Variants in VPS8 observed in about 807,000 individuals in gnomAD.
VPS8 encodes the protein VPS8 subunit of CORVET complex.
A neutral mutation model predicts 216.4 loss-of-function variants in VPS8; 129 were observed. The observed-to-expected ratio is 0.60, with a 90% CI of 0.52 to 0.69. The LOEUF (loss-of-function observed/expected upper bound fraction) is 0.69. VPS8 is among the 30% of genes least tolerant of loss of function. The pLI, the probability that VPS8 is intolerant of heterozygous loss-of-function variation, is 0.00. For missense variants in VPS8, 1,531 were observed against 1,683.5 expected (o/e 0.91, Z 1.59); for synonymous variants, 571 against 565.4 (o/e 1.01, Z -0.14).
chr3:184,855,159 T>G (rs202020973), intron 13 of VPS8, among the ~76,000 whole-genome samples: 4 of 151,932 alleles, frequency 2.6e-5, no homozygotes, highest in East Asian at 3.9e-4. Context: ...GTTTTTATTG[T>G]TTTTTTTCAA....
At chr3:184,817,638 A>G (rs530427471) in intron 1 of VPS8, among the ~76,000 whole-genome samples, 1 of 152,380 alleles carries the variant, frequency 6.6e-6, no homozygotes, top group Admixed American at 6.5e-5. Context: ...CTTATGGTAT[A>G]GATTCCTATA....
At chr3:184,950,000 C>G (rs1033086543) in intron 36 of VPS8, among the ~76,000 whole-genome samples, 1 of 151,908 alleles carries the variant, frequency 6.6e-6, no homozygotes, top group South Asian at 2.1e-4. Context: ...ACCCCCACCT[C>G]TTGGGTTCAA....
At chr3:184,962,625 T>A (rs1746712873) in intron 37 of VPS8, among the ~76,000 whole-genome samples, 1 of 152,082 alleles carries the variant, frequency 6.6e-6, no homozygotes, top group African/African-American at 2.4e-5. Flanking sequence ...CCTTTGCTAA[T>A]TTTATGTGTT....
chr3:184,961,620 A>AT lies in VPS8; in HGVS notation c.3184-2842dup, dbSNP rs568744268. ...TTTATCCTTCTGATCTATGTTTTGAATTTTTTCTATATGTGTATGTATCTA... is the reference window on the plus strand; with the variant it reads ...TTTATCCTTCTGATCTATGTTTTGAATTTTTTTCTATATGTGTATGTATCTA... On this transcript the variant is annotated intron_variant, in intron 37 of 47. Transcript: ENST00000625842. 1.7e-3 allele frequency among the ~76,000 whole-genome samples: 252 copies of AT among 150,098 alleles called. 6 individuals are homozygous for AT. In the South Asian group the frequency reaches 0.017, roughly 10 times the overall value.
intron 45 of VPS8, among the ~76,000 whole-genome samples, chr3:185,019,323 C>T (rs188084899): frequency 6.6e-6 from 1 of 151,950 alleles, no homozygotes. Context: ...GAGACCCTAA[C>T]CCAGCGGCAC....
At chr3:184,829,275 G>A (rs906836316) in intron 3 of VPS8, among the ~76,000 whole-genome samples, 4 of 152,006 alleles carry the variant, frequency 2.6e-5, no homozygotes, top group Admixed American at 1.3e-4. Flanking sequence ...GTGCAGTGGC[G>A]CGATCAGGGC....
intron 42 of VPS8, among the ~76,000 whole-genome samples, chr3:184,988,214 A>G (rs1751399726): frequency 6.6e-6 from 1 of 152,104 alleles, no homozygotes. Context: ...TATGCTTTTG[A>G]TGTTGTATGT....
chr3:184,994,700 A>G (rs958964267), intron 43 of VPS8, among the ~76,000 whole-genome samples: 11 of 152,256 alleles, frequency 7.2e-5, no homozygotes, highest in African/African-American at 2.4e-4. Context: ...CAACATGAAT[A>G]TAGAAAATTG....
Position 185,046,726 on chromosome 3 carries a change from G to A in VPS8, c.4057-1753G>A, listed in dbSNP as rs140279941. Among the ~76,000 whole-genome samples the A allele has an allele frequency of 1.1e-4, 17 of 152,318 alleles. 1 individual carries two copies. In the East Asian group the frequency reaches 2.9e-3, roughly 26 times the overall value. ...CTAATTTTCATAACAATTCTGCAAAGTAGAGTTTTACAGATAAAGAAACTG... is the reference window on the plus strand; with the variant it reads ...CTAATTTTCATAACAATTCTGCAAAATAGAGTTTTACAGATAAAGAAACTG... On this transcript the variant is annotated intron_variant, in intron 46 of 47. Coordinates refer to ENST00000625842, the MANE Select transcript of VPS8 (RefSeq NM_001009921.3).
At chr3:185,049,318 G>A (rs945593424) in intron 47 of VPS8, among the ~76,000 whole-genome samples, 19 of 152,120 alleles carry the variant, frequency 1.2e-4, no homozygotes, top group East Asian at 1.9e-4. Flanking sequence ...TGTACTCATC[G>A]CTTTCTCGAC....
intron 22 of VPS8, among the ~76,000 whole-genome samples, chr3:184,893,978 A>C (rs1732856456): frequency 6.6e-6 from 1 of 152,180 alleles, no homozygotes; most frequent in Admixed American, 6.5e-5. Flanking sequence ...GGTCAATATA[A>C]CTCAAATTAT....
intron 25 of VPS8, among the ~76,000 whole-genome samples, chr3:184,908,190 G>A (rs1055634518): frequency 1.3e-5 from 2 of 152,144 alleles, no homozygotes; most frequent in East Asian, 3.9e-4. Context: ...AAAAAAATAA[G>A]CCCTGAAAAT....
chr3:185,048,800 A>G (rs1462883345), intron 47 of VPS8, among the ~76,000 whole-genome samples: 1 of 152,126 alleles, frequency 6.6e-6, no homozygotes, highest in African/African-American at 2.4e-5. Context: ...AGGACACAGA[A>G]GGGCCTCTGT....
At chr3:184,904,396 T>A (rs1463879434) in intron 25 of VPS8, among the ~76,000 whole-genome samples, 1 of 152,226 alleles carries the variant, frequency 6.6e-6, no homozygotes, top group Non-Finnish European at 1.5e-5. Context: ...GTTTGAGTGT[T>A]TCTAACATGA....
chr3:185,043,914 G>A (rs886104895), intron 46 of VPS8, among the ~76,000 whole-genome samples: 1 of 152,126 alleles, frequency 6.6e-6, no homozygotes, highest in Non-Finnish European at 1.5e-5. Context: ...TTTCGGCTGG[G>A]CACAGTGGCT....
intron 45 of VPS8, among the ~76,000 whole-genome samples, chr3:185,008,648 A>G (rs1344063258): frequency 1.3e-5 from 2 of 152,204 alleles, no homozygotes; most frequent in East Asian, 1.9e-4. Context: ...GGTACCAGCC[A>G]TGTGAAAAAC....
chr3:184,851,328 A>G (rs1401866100), intron 10 of VPS8, among the ~76,000 whole-genome samples: 1 of 152,184 alleles, frequency 6.6e-6, no homozygotes, highest in East Asian at 1.9e-4. Flanking sequence ...CTGGAGTAAG[A>G]CACATAGGAT....
intron 45 of VPS8, among the ~76,000 whole-genome samples, chr3:185,010,936 C>T (rs1264933934): frequency 6.6e-6 from 1 of 152,008 alleles, no homozygotes; most frequent in East Asian, 1.9e-4. Flanking sequence ...AAGGTCAAGG[C>T]TGCAGTGAGC....
intron 46 of VPS8, among the ~76,000 whole-genome samples, chr3:185,028,119 C>T (rs988320857): frequency 4.6e-5 from 7 of 152,028 alleles, no homozygotes; most frequent in Admixed American, 6.6e-5. Flanking sequence ...TTGCGGAGTT[C>T]GTGTTAGCTG....
Sources: gnomAD v4.1 joint callset for allele counts (sites outside exome capture counted in the v4.1 genomes callset) on GRCh38, gnomAD v4.1.1 for gene constraint, MANE v1.5 for transcripts, NCBI Gene and HGNC (gene_info 2026-07-23, HGNC 2026-07-21) for gene names.